Variants in ROBO1 observed in about 807,000 individuals in gnomAD.
The protein encoded by ROBO1 is roundabout guidance receptor 1.
ROBO1 carries 149 observed loss-of-function variants against 195.9 expected under a neutral mutation model. The observed-to-expected ratio is 0.76, with a 90% CI of 0.67 to 0.87. ROBO1 has a LOEUF of 0.87. ROBO1 is among the 40% of genes least tolerant of loss of function. The pLI is 0.00. For synonymous variants in ROBO1, 816 were observed against 733.2 expected, an observed-to-expected ratio of 1.11 and a Z score of -1.82; for missense variants, 1,933 against 2,068.3, an observed-to-expected ratio of 0.93 and a Z score of 1.27.
chr3:79,377,173 CT>C (rs1488787751), intron 2 of ROBO1, among the ~76,000 whole-genome samples: 1 of 151,820 alleles, frequency 6.6e-6, no homozygotes, highest in African/African-American at 2.4e-5. Flanking sequence ...TGTGACCCCC[CT>C]AATTTATTAA....
chr3:78,972,889 G>A (rs939319664), intron 3 of ROBO1, among the ~76,000 whole-genome samples: 9 of 152,316 alleles, frequency 5.9e-5, no homozygotes, highest in African/African-American at 1.7e-4. Context: ...CCTACCTGGA[G>A]CTGGCAGGGG....
chr3:78,957,183 G>A (rs945886528), intron 3 of ROBO1, among the ~76,000 whole-genome samples: 2 of 151,684 alleles, frequency 1.3e-5, no homozygotes, highest in East Asian at 1.9e-4. Context: ...GGGAAAATAT[G>A]GAGAAAATAA....
intron 2 of ROBO1, among the ~76,000 whole-genome samples, chr3:79,451,170 A>C (rs2107196737): frequency 6.6e-6 from 1 of 152,224 alleles, no homozygotes; most frequent in African/African-American, 2.4e-5. Context: ...TAAAGTCAAT[A>C]TAGAATTTTC....
intron 3 of ROBO1, among the ~76,000 whole-genome samples, chr3:79,034,657 T>G (rs2078352751): frequency 6.6e-6 from 1 of 152,148 alleles, no homozygotes; most frequent in Admixed American, 6.6e-5. Flanking sequence ...TGTTATTAAA[T>G]TGAATATTAC....
chr3:79,073,031 T>C (rs931314229), intron 3 of ROBO1, among the ~76,000 whole-genome samples: 1 of 152,014 alleles, frequency 6.6e-6, no homozygotes, highest in Non-Finnish European at 1.5e-5. Context: ...TTGCATATTC[T>C]ACTAAAAACT....
At chr3:78,958,062 C>T (rs2041137063) in intron 3 of ROBO1, among the ~76,000 whole-genome samples, 2 of 152,196 alleles carry the variant, frequency 1.3e-5, no homozygotes, top group South Asian at 4.1e-4. Flanking sequence ...TATAAATTTA[C>T]TTTGTCATTA....
intron 3 of ROBO1, among the ~76,000 whole-genome samples, chr3:79,035,513 A>T (rs1050379843): frequency 2.0e-5 from 3 of 152,174 alleles, no homozygotes; most frequent in Admixed American, 6.5e-5. Flanking sequence ...CGAGGCCAGG[A>T]ATTCAAGACC....
chr3:79,523,916 A>C (rs896838319), intron 2 of ROBO1, among the ~76,000 whole-genome samples: 1 of 152,084 alleles, frequency 6.6e-6, no homozygotes, highest in Non-Finnish European at 1.5e-5. Context: ...AAGAATTATG[A>C]TTTTCATAAG....
chr3:78,638,219 T>A (rs531609102), intron 22 of ROBO1, among the ~76,000 whole-genome samples: 200 of 132,958 alleles, frequency 1.5e-3, no homozygotes, highest in African/African-American at 5.4e-3. Flanking sequence ...ATATATACAC[T>A]TATATACATA....
At chr3:78,856,112 C>T (rs950426034) in intron 4 of ROBO1, among the ~76,000 whole-genome samples, 1 of 150,878 alleles carries the variant, frequency 6.6e-6, no homozygotes, top group Non-Finnish European at 1.5e-5. Context: ...GATCTATTTC[C>T]TAAGTAATCT....
intron 4 of ROBO1, among the ~76,000 whole-genome samples, chr3:78,811,212 C>A (rs1202069084): frequency 2.0e-5 from 3 of 152,060 alleles, no homozygotes; most frequent in African/African-American, 7.2e-5. Context: ...GCTAAAGTGC[C>A]AAAATGATTT....
chr3:79,765,991 T>C (rs1442622540), intron 1 of ROBO1, among the ~76,000 whole-genome samples: 1 of 152,090 alleles, frequency 6.6e-6, no homozygotes, highest in East Asian at 1.9e-4. Context: ...CAGAGGAGTT[T>C]ACAAGGTCGG....
chr3:79,018,448 G>T (rs749165646), intron 3 of ROBO1: 4 of 1,613,774 alleles, frequency 2.5e-6, no homozygotes, highest in Admixed American at 1.7e-5. Flanking sequence ...AAAGTGAGCG[G>T]GCTCCGCAAT....
intron 4 of ROBO1, among the ~76,000 whole-genome samples, chr3:78,754,443 T>C (rs1323313684): frequency 6.6e-6 from 1 of 152,202 alleles, no homozygotes; most frequent in Admixed American, 6.5e-5. Context: ...ACTTTTTATG[T>C]AGCCTTGCAG....
chr3:78,922,656 C>A (rs2039007448), intron 4 of ROBO1, among the ~76,000 whole-genome samples: 1 of 143,236 alleles, frequency 7.0e-6, no homozygotes, highest in Non-Finnish European at 1.5e-5. Context: ...GTCACCCAGG[C>A]TGGAGTGCAG....
At chr3:79,503,407 G>A (rs1245204722) in intron 2 of ROBO1, among the ~76,000 whole-genome samples, 1 of 152,168 alleles carries the variant, frequency 6.6e-6, no homozygotes, top group African/African-American at 2.4e-5. Flanking sequence ...CTCACCGCTA[G>A]GGTCTGCGGC....
chr3:79,550,207 A>AAAGGAAAGGAAAGGAAAGGAAAGGAAAGG (rs58341695), intron 2 of ROBO1, among the ~76,000 whole-genome samples: 1 of 103,724 alleles, frequency 9.6e-6, no homozygotes, highest in African/African-American at 4.9e-5. Flanking sequence ...AAAAGAAAAG[A>AAAGGAAAGGAAAGGAAAGGAAAGGAAAGG]AAAGAAAAGA....
intron 4 of ROBO1, among the ~76,000 whole-genome samples, chr3:78,791,211 C>T (rs532834106): frequency 3.3e-5 from 5 of 152,188 alleles, no homozygotes; most frequent in East Asian, 1.9e-4. Context: ...TTGCTTCCTA[C>T]GTGTTGTTGT....
chr3:79,630,274 A>G (rs988198938), intron 1 of ROBO1, among the ~76,000 whole-genome samples: 1 of 152,094 alleles, frequency 6.6e-6, no homozygotes, highest in African/African-American at 2.4e-5. Flanking sequence ...CCACCATCAC[A>G]TCAAAAATAT....
Sources: gnomAD v4.1 joint callset for allele counts (sites outside exome capture counted in the v4.1 genomes callset) on GRCh38, gnomAD v4.1.1 for gene constraint, MANE v1.5 for transcripts, NCBI Gene and HGNC (gene_info 2026-07-23, HGNC 2026-07-21) for gene names.